NFIA: variants seen among roughly 807,000 people sequenced by gnomAD.
NFIA encodes nuclear factor I A.
NFIA carries 8 observed loss-of-function variants against 62.8 expected under a neutral mutation model. That is an observed-to-expected ratio of 0.13 (90% confidence interval 0.07 to 0.23). NFIA has a LOEUF of 0.23. NFIA is among the 10% of genes least tolerant of loss of function. The pLI is 1.00. For missense variants in NFIA, 410 were observed against 642.1 expected (o/e 0.64, Z 3.91); for synonymous variants, 235 against 238.1 (o/e 0.99, Z 0.12).
At chr1:61,197,271 CTG>C (rs1491134104) in intron 2 of NFIA, among the ~76,000 whole-genome samples, 1 of 121,020 alleles carries the variant, frequency 8.3e-6, no homozygotes, top group Non-Finnish European at 1.6e-5. Context: ...CGGAGTCTCT[CTG>C]TGTCACGCAG....
At position 61,315,283 on chromosome 1, in the gene NFIA, A is replaced by G. The variant is rs184363311; in HGVS notation, c.626-17229A>G. On this transcript the variant is annotated intron_variant, in intron 3 of 10. Transcript: ENST00000403491. ...GTCAGAAATGCCTACGGTAGTGAAA[A>G]ATATTTCAAGTGCCCCTGACAGTTA... Among the ~76,000 whole-genome samples, 13 of 152,332 alleles carry G rather than the reference A, an allele frequency of 8.5e-5. No homozygotes were observed. The East Asian group carries it at 2.1e-3, about 25-fold the overall frequency.
chr1:61,166,151 T>C (rs970301515), intron 2 of NFIA, among the ~76,000 whole-genome samples: 2 of 152,190 alleles, frequency 1.3e-5, no homozygotes, highest in Admixed American at 1.3e-4. Flanking sequence ...TAGGGGACTC[T>C]TAGAGACAAG....
intron 2 of NFIA, chr1:61,124,668 A>G (rs1012085649): frequency 2.3e-4 from 35 of 152,316 alleles, no homozygotes; most frequent in African/African-American, 8.4e-4. Context: ...AGAAAATAAT[A>G]ATGAAAGAAG....
chr1:61,260,884 A>G (rs1315118720), intron 2 of NFIA, among the ~76,000 whole-genome samples: 1 of 152,118 alleles, frequency 6.6e-6, no homozygotes, highest in Non-Finnish European at 1.5e-5. Flanking sequence ...CCGGCCAAGA[A>G]ATTTTCATAG....
At position 61,082,593 on chromosome 1, in the gene NFIA, G is replaced by T. The variant is rs186679467; in HGVS notation, c.-199G>T. 4.8e-5 allele frequency: 71 copies of T among 1,486,762 alleles called. No homozygotes were observed. In the East Asian group the frequency reaches 8.5e-4, roughly 18 times the overall value. 92.1% of individuals were successfully genotyped at this position (1,486,762 alleles called of 1,614,324 possible). ...AAGTTCAGCTCATGGAGCGGCAATA[G>T]CGCTGGCTGGCTGGCTGCAGTTGAG... is the stretch of plus-strand genomic sequence containing the variant. On this transcript the variant is annotated 5_prime_UTR_variant, in exon 1 of 11. The change abolishes the stop of an existing upstream ORF in the 5' untranslated region. Transcript: ENST00000403491.
At chr1:61,079,007 G>C (rs1646064957), upstream of NFIA, among the ~76,000 whole-genome samples, 1 of 152,054 alleles carries the variant, frequency 6.6e-6, no homozygotes, top group Admixed American at 6.5e-5. Flanking sequence ...AAAATAATAT[G>C]GGCTCTTTCC....
intron 3 of NFIA, among the ~76,000 whole-genome samples, chr1:61,321,988 T>A (rs1355748595): frequency 6.6e-6 from 1 of 152,182 alleles, no homozygotes; most frequent in Non-Finnish European, 1.5e-5. Flanking sequence ...GCCTTTGGAT[T>A]AGACTGGGTA....
rs541864252 is a variant in NFIA, at chr1:61,270,865, C to T, written c.560-6655C>T. ...TCAGCAGGCACCGCTGTGAACACAG[C>T]GCCTCTTATGGGGAAAACAAAATTC... On this transcript the variant is annotated intron_variant, in intron 2 of 10. Transcript: ENST00000403491. Among the ~76,000 whole-genome samples, 10 of 152,256 alleles carry T rather than the reference C, an allele frequency of 6.6e-5. No homozygotes were observed. In the South Asian group the frequency reaches 1.5e-3, roughly 22 times the overall value.
intron 7 of NFIA, among the ~76,000 whole-genome samples, chr1:61,402,973 A>G (rs1050699607): frequency 1.3e-5 from 2 of 152,228 alleles, no homozygotes; most frequent in African/African-American, 4.8e-5. Context: ...GCCTTTAGCC[A>G]TGCAAGTGGG....
intron 2 of NFIA, among the ~76,000 whole-genome samples, chr1:61,178,291 A>G (rs923926000): frequency 5.3e-5 from 8 of 152,246 alleles, no homozygotes; most frequent in Non-Finnish European, 1.0e-4. Flanking sequence ...AGGTAAAGTA[A>G]TAGGGGAAAA....
intron 7 of NFIA, among the ~76,000 whole-genome samples, chr1:61,403,421 GT>G (rs1665665735): frequency 6.6e-6 from 1 of 152,152 alleles, no homozygotes; most frequent in African/African-American, 2.4e-5. Context: ...TCTTTTATCA[GT>G]TTTTATGGGC....
At chr1:61,105,310 A>C (rs1397916920) in intron 2 of NFIA, among the ~76,000 whole-genome samples, 1 of 151,974 alleles carries the variant, frequency 6.6e-6, no homozygotes, top group Non-Finnish European at 1.5e-5. Context: ...TGAGGAGGTA[A>C]ATATCTCTAT....
chr1:61,455,514 T>TC lies in NFIA; in HGVS notation c.*194_*195insC. 2 of 396,956 alleles carry TC rather than the reference T, an allele frequency of 5.0e-6. No homozygotes were observed. Among genetic ancestry groups the TC allele is most frequent in the Non-Finnish European group, 7.6e-6 (2 of 264,198 alleles). The allele number at this position is 396,956 out of a possible 1,614,324, so 24.6% of individuals were successfully genotyped here. A position where few individuals can be genotyped will look rare whatever the true frequency, so the allele number is the denominator to read the frequency against. ...CAGCAAAGGCCATAACCTTTTGGGA[T>TC]TTTTTTTTTTTTAAAATACTTTAGG... On this transcript the variant is annotated 3_prime_UTR_variant, in exon 11 of 11. Coordinates refer to ENST00000403491, the MANE Select transcript of NFIA (RefSeq NM_001134673.4).
At chr1:61,327,358 G>A (rs944267975) in intron 3 of NFIA, among the ~76,000 whole-genome samples, 2 of 151,784 alleles carry the variant, frequency 1.3e-5, no homozygotes, top group Non-Finnish European at 2.9e-5. Flanking sequence ...CCTCACCCAA[G>A]TAGTGTAACT....
intron 4 of NFIA, 24 bp from the exon 5 acceptor site, chr1:61,352,426 T>C: frequency 6.6e-7 from 1 of 1,509,416 alleles, no homozygotes; most frequent in Admixed American, 1.7e-5. Context: ...TTTAACTGAT[T>C]TTTGTTTGTT....
In NFIA at chr1:61,426,519, G is replaced by A. The variant is rs867811489; in HGVS notation, c.1475G>A (p.Arg492Gln). The A allele has an allele frequency of 1.3e-6, 2 of 1,551,926 alleles. No homozygotes were observed. Among genetic ancestry groups the A allele is most frequent in the Non-Finnish European group, 1.7e-6 (2 of 1,147,026 alleles). ...PANRFVSVGP[R>Q]DPSFVNIPQQ... is the part of the protein sequence containing the mutation. ...AACCGATTCGTCAGTGTTGGACCAC[G>A]GGATCCAAGCTTTGTAAATATCCCT... Residue 492 changes from arginine (R) to glutamine (Q), a missense_variant, in exon 10 of 11, where the codon CGG becomes CAG. Physicochemically the swap from Arg to Gln is conservative, Grantham distance 43. This residue lies in a region of NFIA where 298 missense variants were observed against 438.1 expected (regional missense o/e 0.68). Coordinates refer to ENST00000403491, the MANE Select transcript of NFIA (RefSeq NM_001134673.4).
chr1:61,290,014 T>TTC (rs1658770164), intron 3 of NFIA, among the ~76,000 whole-genome samples: 1 of 3,040 alleles, frequency 3.3e-4, no homozygotes, highest in Admixed American at 2.3e-3. Flanking sequence ...TTTAAGTTTC[T>TTC]TTTTTTTTTT....
At chr1:61,184,968 T>C (rs919426603) in intron 2 of NFIA, among the ~76,000 whole-genome samples, 2 of 152,262 alleles carry the variant, frequency 1.3e-5, no homozygotes, top group Non-Finnish European at 2.9e-5. Context: ...GTTCCATCTC[T>C]GTGTCTGAGC....
intron 2 of NFIA, among the ~76,000 whole-genome samples, chr1:61,107,650 G>C (rs539966871): frequency 1.1e-4 from 16 of 151,404 alleles, no homozygotes; most frequent in Non-Finnish European, 1.5e-4. Flanking sequence ...TGTTATCTTT[G>C]ATCAACAAAA....
Sources: gnomAD v4.1 joint callset for allele counts (sites outside exome capture counted in the v4.1 genomes callset) on GRCh38, gnomAD v4.1.1 for gene constraint, gnomAD v4.1.1 regional missense constraint, MANE v1.5 for transcripts, NCBI Gene and HGNC (gene_info 2026-07-23, HGNC 2026-07-21) for gene names.